The following UNC13B variants were observed in gnomAD, a reference collection of about 807,000 sequenced individuals.
UNC13B encodes unc-13 homolog B.
UNC13B carries 144 observed loss-of-function variants against 211.0 expected under a neutral mutation model. That is an observed-to-expected ratio of 0.68 (90% CI 0.60 to 0.78). UNC13B has a LOEUF of 0.78. Ranked by LOEUF, UNC13B falls within the 30% of genes least tolerant of loss-of-function variation. UNC13B has a pLI of 0.00. For synonymous variants in UNC13B, 709 were observed against 725.8 expected (o/e 0.98, Z 0.37); for missense variants, 1,777 against 2,002.0 (o/e 0.89, Z 2.14).
rs1351713651 is a variant in UNC13B at position 35,307,534 on chromosome 9, A to G, written c.8130A>G (p.Ala2710=). 1.5e-5 allele frequency: 6 copies of G among 398,918 alleles called. No homozygotes were observed. Among genetic ancestry groups the G allele is most frequent in the African/African-American group, 1.2e-4 (6 of 48,620 alleles). 24.7% of individuals were successfully genotyped at this position (398,918 alleles called of 1,614,324 possible). ...CTGATACTATGCTGTTCAATGATGC[A>G]AGTGTGAGCCAGAGCACCACTCTGG... ...LETDTMLFND[A]SVSQSTTLET... Residue 2710 remains alanine, a synonymous_variant, in exon 9 of 40, where the codon GCA becomes GCG. Coordinates refer to ENST00000635942, the MANE Select transcript of UNC13B (RefSeq NM_001371189.2).
At chr9:35,327,667 GCAACACCCTCA>G (rs994473139) in intron 11 of UNC13B, among the ~76,000 whole-genome samples, 12 of 152,070 alleles carry the variant, frequency 7.9e-5, no homozygotes, top group Admixed American at 7.2e-4. Flanking sequence ...ATCTTCTGTG[GCAACACCCTCA>G]CAACACCCAG....
chr9:35,231,062 G>C (rs1825172429), intron 2 of UNC13B, 58 bp from the exon 3 acceptor site: 4 of 1,153,064 alleles, frequency 3.5e-6, no homozygotes, highest in Non-Finnish European at 5.2e-6. Context: ...AGGGCTTTGT[G>C]AGATGGGTAA....
At chr9:35,380,333 T>C (rs771761638) in intron 17 of UNC13B, 137 bp from the exon 18 acceptor site, 1 of 941,096 alleles carries the variant, frequency 1.1e-6, no homozygotes, top group Non-Finnish European at 1.5e-6. Flanking sequence ...CTTGGAACTT[T>C]TGTACTGCTG....
rs772189591 is a variant in UNC13B at position 35,236,583 on chromosome 9, T to C, written c.267T>C (p.Asp89=). 3.7e-6 allele frequency: 6 copies of C among 1,613,658 alleles called. No homozygotes were observed. The highest frequency in any genetic ancestry group is 5.1e-6 in the Non-Finnish European group (6 of 1,179,592). ...CGCTGAAGACTATTCGTCAGTCGGA[T>C]GAGGTCAGTCATTGCATTTTCTGTT... The part of the protein sequence containing the change: ...WIALKTIRQS[D]EEGPGEWSTL... Residue 89 remains aspartate, a synonymous_variant, in exon 4 of 40, where the codon GAT becomes GAC. Transcript: ENST00000635942.
intron 1 of UNC13B, among the ~76,000 whole-genome samples, chr9:35,193,905 T>A (rs1822799890): frequency 6.6e-6 from 1 of 152,268 alleles, no homozygotes; most frequent in Non-Finnish European, 1.5e-5. Flanking sequence ...AGAGGATCCC[T>A]GTTTCACTAG....
chr9:35,320,190 C>G (rs984988049), intron 11 of UNC13B, among the ~76,000 whole-genome samples: 52 of 152,180 alleles, frequency 3.4e-4, no homozygotes, highest in African/African-American at 8.9e-4. Flanking sequence ...AATAATGCTG[C>G]GATGAATATA....
intron 7 of UNC13B, among the ~76,000 whole-genome samples, chr9:35,286,226 CTTTTTTTTTTT>C (rs777657602): frequency 5.9e-5 from 7 of 117,662 alleles, no homozygotes; most frequent in Non-Finnish European, 1.2e-4. Context: ...AAGCTTGGAA[CTTTTTTTTTTT>C]TTTTTTTTTT....
At chr9:35,254,993 T>TATAA (rs1392370086) in intron 6 of UNC13B, among the ~76,000 whole-genome samples, 1 of 115,194 alleles carries the variant, frequency 8.7e-6, no homozygotes, top group African/African-American at 3.7e-5. Context: ...TATGTATATA[T>TATAA]TATATTATAT....
At chr9:35,313,625 A>AAAATAAATAAATAAATAAATAAAT (rs149145175) in intron 10 of UNC13B, among the ~76,000 whole-genome samples, 2 of 133,990 alleles carry the variant, frequency 1.5e-5, no homozygotes, top group Non-Finnish European at 3.2e-5. Context: ...ACCCTGTCTC[A>AAAATAAATAAATAAATAAATAAAT]AAATAAATAA....
chr9:35,270,119 C>G (rs1446006229), intron 7 of UNC13B, among the ~76,000 whole-genome samples: 2 of 152,168 alleles, frequency 1.3e-5, no homozygotes, highest in Non-Finnish European at 2.9e-5. Context: ...TAAGTCATTT[C>G]TCCAATGAGG....
rs1271873582 is a variant in UNC13B, at chr9:35,405,231, CATT to C, written c.*1200_*1202del. 4 of 152,594 alleles carry C rather than the reference CATT, an allele frequency of 2.6e-5. No individual in the cohort carries two copies. Among genetic ancestry groups the C allele is most frequent in the African/African-American group, 9.7e-5 (4 of 41,424 alleles). 9.5% of individuals were successfully genotyped at this position (152,594 alleles called of 1,614,324 possible). On this transcript the variant is annotated 3_prime_UTR_variant, in exon 40 of 40. Transcript: ENST00000635942. ...CGACATTGTCCACAGATGTACTGGC[CATT>C]ACATGAAACAAGAAACCAAGCATCT...
chr9:35,310,353 C>T, intron 9 of UNC13B, 114 bp from the exon 10 acceptor site: 2 of 1,153,424 alleles, frequency 1.7e-6, no homozygotes, highest in Non-Finnish European at 1.2e-6. Flanking sequence ...TCCCAGGAAC[C>T]TCCTATTTGA....
At chr9:35,207,161 A>G (rs1458791477) in intron 1 of UNC13B, among the ~76,000 whole-genome samples, 4 of 152,130 alleles carry the variant, frequency 2.6e-5, no homozygotes, top group Non-Finnish European at 5.9e-5. Flanking sequence ...AAGTCATCCT[A>G]ATGGGTGTGA....
rs1441436256 is a variant in UNC13B at position 35,352,839 on chromosome 9, C to T, written c.9415-14108C>T. 2.4e-6 allele frequency: 3 copies of T among 1,232,058 alleles called. No individual in the cohort carries two copies. In the African/African-American group the frequency reaches 4.7e-5, roughly 19 times the overall value. The allele number at this position is 1,232,058 out of a possible 1,614,324, so 76.3% of individuals were successfully genotyped here. A position where few individuals can be genotyped will look rare whatever the true frequency, so the allele number is the denominator to read the frequency against. On this transcript the variant is annotated intron_variant, in intron 11 of 39. Coordinates refer to ENST00000635942, the MANE Select transcript of UNC13B (RefSeq NM_001371189.2). Reference sequence around the variant, plus strand: ...CTAGTATTAATCTCAAAAGAGGAGGCTTCTGGGAAGTCCCAGTTTTTCAAA... The same window carrying T: ...CTAGTATTAATCTCAAAAGAGGAGGTTTCTGGGAAGTCCCAGTTTTTCAAA...
In UNC13B at chr9:35,398,627, T is replaced by C; in HGVS notation, c.11906T>C (p.Met3969Thr). Residue 3969 changes from methionine to threonine, a missense_variant, in exon 32 of 40, where the codon ATG (methionine) becomes ACG (threonine). Physicochemically the swap from Met to Thr is moderately conservative, Grantham distance 81 (BLOSUM62 -1). Coordinates refer to ENST00000635942, the MANE Select transcript of UNC13B (RefSeq NM_001371189.2). ...KLNTVLDELS[M>T]VFGNSFQVRI... ...AATACGGTTCTGGATGAGCTCAGCA[T>C]GGTGTTTGGAAACAGGTCAGTGACC... 1 of 1,613,944 alleles carries C rather than the reference T, an allele frequency of 6.2e-7. No individual in the cohort carries two copies. The highest frequency in any genetic ancestry group is 8.5e-7 in the Non-Finnish European group (1 of 1,180,008).
intron 1 of UNC13B, among the ~76,000 whole-genome samples, chr9:35,168,004 A>C (rs1410495389): frequency 1.3e-5 from 2 of 149,514 alleles, no homozygotes; most frequent in Non-Finnish European, 3.0e-5. Context: ...CTGCATCCTC[A>C]AACTCCTGGG....
intron 8 of UNC13B, among the ~76,000 whole-genome samples, chr9:35,299,249 G>A (rs1327385404): frequency 7.2e-6 from 1 of 138,910 alleles, no homozygotes; most frequent in South Asian, 2.3e-4. Flanking sequence ...AAATTATAAG[G>A]CCTTAAATAA....
intron 6 of UNC13B, among the ~76,000 whole-genome samples, chr9:35,249,657 T>G (rs966202967): frequency 5.9e-5 from 9 of 152,366 alleles, no homozygotes; most frequent in East Asian, 5.8e-4. Flanking sequence ...GAAAATTCTT[T>G]TCTTTAAGAA....
intron 11 of UNC13B, among the ~76,000 whole-genome samples, chr9:35,333,985 G>A (rs941627666): frequency 1.3e-5 from 2 of 149,584 alleles, no homozygotes; most frequent in Non-Finnish European, 3.0e-5. Flanking sequence ...TGTTTTTTGA[G>A]ACGGAGTCTT....
Sources: gnomAD v4.1 joint callset for allele counts (sites outside exome capture counted in the v4.1 genomes callset) on GRCh38, gnomAD v4.1.1 for gene constraint, MANE v1.5 for transcripts, NCBI Gene and HGNC (gene_info 2026-07-23, HGNC 2026-07-21) for gene names.